Variants in APEX1 observed in about 807,000 individuals in gnomAD.
The protein encoded by APEX1 is DNA repair nuclease/redox regulator APEX1.
In APEX1, 32 loss-of-function variants were observed where a neutral mutation model predicts 33.2. The ratio of observed to expected loss-of-function variants is 0.96; its 90% CI spans 0.73 to 1.29. APEX1 has a LOEUF of 1.29. Among genes scored for constraint, APEX1 ranks in the 50% most tolerant of loss-of-function variants. APEX1 has a pLI of 0.00. For missense variants in APEX1, 442 were observed against 395.6 expected (o/e 1.12, Z -0.99); for synonymous variants, 175 against 156.6 (o/e 1.12, Z -0.88).
Position 20,457,020 on chromosome 14 carries a change from G to A in APEX1, c.469G>A (p.Val157Met). The A allele has an allele frequency of 1.1e-5, 17 of 1,614,148 alleles. No individual in the cohort carries two copies. Among genetic ancestry groups the A allele is most frequent in the Non-Finnish European group, 1.4e-5 (17 of 1,180,002 alleles). ...TGAGGAGCATGATCAGGAAGGCCGGGTGATTGTGGCTGAATTTGACTCGTT... is the reference window on the plus strand; with the variant it reads ...TGAGGAGCATGATCAGGAAGGCCGGATGATTGTGGCTGAATTTGACTCGTT... ...GDEEHDQEGR[V>M]IVAEFDSFVL... The change falls in exon 5 of 5, where the codon GTG (valine) becomes ATG (methionine). Residue 157 changes from valine to methionine, a missense_variant. By Grantham distance (21) the Val-to-Met change is conservative (BLOSUM62 1). Coordinates refer to ENST00000216714, the MANE Select transcript of APEX1 (RefSeq NM_001641.4).
At position 20,455,365 on chromosome 14, in the gene APEX1, A is replaced by G. The variant is rs374045653; in HGVS notation, c.-98A>G. On this transcript the variant is annotated 5_prime_UTR_variant, in exon 1 of 5. Transcript: ENST00000216714. ...TCAGGACCCTTAATTAAGATCCTCA[A>G]TTGGCTGGAGGGCAGATCTCGCGAG... The G allele has an allele frequency of 2.2e-4, 117 of 543,892 alleles. 1 individual carries two copies. The highest frequency in any genetic ancestry group is 2.0e-3 in the South Asian group (99 of 49,128). 33.7% of individuals were successfully genotyped at this position (543,892 alleles called of 1,614,324 possible).
chr14:20,456,966 T>A (rs1479127766), intron 4 of APEX1, 25 bp from the exon 5 acceptor site: 1 of 1,611,082 alleles, frequency 6.2e-7, no homozygotes, highest in Admixed American at 1.7e-5. Flanking sequence ...TAGTTTTTTA[T>A]GCTAATTCTG....
chr14:20,455,506 G>A, intron 1 of APEX1, 72 bp from the exon 2 acceptor site: 1 of 1,411,848 alleles, frequency 7.1e-7, no homozygotes, highest in African/African-American at 1.4e-5. Flanking sequence ...GGCGGGACCT[G>A]GTGCGGGGAC....
rs1349791106 is a variant in APEX1 at position 20,457,053 on chromosome 14, G to C, written c.502G>C (p.Val168Leu). Residue 168 changes from valine (V) to leucine (L), a missense_variant, in exon 5 of 5, where the codon GTA becomes CTA. By Grantham distance (32) the Val-to-Leu change is conservative (BLOSUM62 1). Transcript: ENST00000216714. Reference sequence around the variant, plus strand: ...GGCTGAATTTGACTCGTTTGTGCTGGTAACAGCATATGTACCTAATGCAGG... The same window carrying C: ...GGCTGAATTTGACTCGTTTGTGCTGCTAACAGCATATGTACCTAATGCAGG... ...IVAEFDSFVL[V>L]TAYVPNAGRG... 6.2e-7 allele frequency: 1 copy of C among 1,614,196 alleles called. No homozygotes were observed. Among genetic ancestry groups the C allele is most frequent in the Non-Finnish European group, 8.5e-7 (1 of 1,180,020 alleles).
chr14:20,457,260 C>T lies in APEX1; in HGVS notation c.709C>T (p.Arg237Cys), dbSNP rs375526265. The part of the protein sequence containing the change: ...KKNAGFTPQE[R>C]QGFGELLQAV... ...GAATGCTGGCTTCACGCCACAAGAGCGCCAAGGCTTCGGGGAATTACTGCA... is the reference window on the plus strand; with the variant it reads ...GAATGCTGGCTTCACGCCACAAGAGTGCCAAGGCTTCGGGGAATTACTGCA... The change falls in exon 5 of 5, where the codon CGC becomes TGC. Residue 237 changes from arginine (R) to cysteine (C), a missense_variant. Transcript: ENST00000216714. 12 of 1,614,136 alleles carry T rather than the reference C, an allele frequency of 7.4e-6. No individual in the cohort carries two copies. The highest frequency in any genetic ancestry group is 6.7e-5 in the African/African-American group (5 of 74,948).
intron 3 of APEX1, 127 bp downstream of exon 3, chr14:20,456,228 T>A: frequency 1.9e-6 from 2 of 1,054,638 alleles, no homozygotes; most frequent in Non-Finnish European, 2.8e-6. Context: ...TCTGTGGGGC[T>A]TCCCCAGTCT....
In APEX1 at chr14:20,455,390, G is replaced by A. The variant is rs1287075969; in HGVS notation, c.-73G>A. The A allele has an allele frequency of 3.4e-6, 2 of 583,350 alleles. No homozygotes were observed. Among genetic ancestry groups the A allele is most frequent in the Non-Finnish European group, 6.1e-6 (2 of 329,472 alleles). The allele number at this position is 583,350 out of a possible 1,614,324, so 36.1% of individuals were successfully genotyped here. On this transcript the variant is annotated 5_prime_UTR_variant, in exon 1 of 5. Coordinates refer to ENST00000216714, the MANE Select transcript of APEX1 (RefSeq NM_001641.4). The stretch of plus-strand genomic sequence containing the variant: ...ATTGGCTGGAGGGCAGATCTCGCGA[G>A]TAGGGTACAAGGCACTATGAAATGA...
Position 20,456,900 on chromosome 14 carries a change from A to G in APEX1, c.439+40A>G, listed in dbSNP as rs772447512. ...ATGCCTAATGCCTGAACTCTTCAAA[A>G]CCAATTGCTAATTCTCTATCTCTGC... On this transcript the variant is annotated intron_variant, in intron 4 of 4. Coordinates refer to ENST00000216714, the MANE Select transcript of APEX1 (RefSeq NM_001641.4). 4 of 1,606,956 alleles carry G rather than the reference A, an allele frequency of 2.5e-6. No homozygotes were observed. In the South Asian group the frequency reaches 3.3e-5, roughly 13 times the overall value.
At chr14:20,456,594 C>T (rs1376775661) in intron 3 of APEX1, 74 bp from the exon 4 acceptor site, 4 of 1,424,558 alleles carry the variant, frequency 2.8e-6, no homozygotes, top group Non-Finnish European at 4.0e-6. Flanking sequence ...GTATCTATGA[C>T]TTAGCATATA....
rs1333878757 is a variant in APEX1, at chr14:20,455,943, G to A, written c.88G>A (p.Ala30Thr). Reference sequence around the variant, plus strand: ...AGAGGCCAAGAAGAGTAAGACGGCCGCAAAGAAAAATGACAAAGAGGCAGC... The same window carrying A: ...AGAGGCCAAGAAGAGTAAGACGGCCACAAAGAAAAATGACAAAGAGGCAGC... ...EPEAKKSKTA[A>T]KKNDKEAAGE... The change falls in exon 3 of 5, where the codon GCA (alanine) becomes ACA (threonine). Residue 30 changes from alanine to threonine, a missense_variant. Ala to Thr is a moderately conservative substitution (Grantham distance 58). Coordinates refer to ENST00000216714, the MANE Select transcript of APEX1 (RefSeq NM_001641.4). 3.1e-6 allele frequency: 5 copies of A among 1,613,964 alleles called. No individual in the cohort carries two copies. The highest frequency in any genetic ancestry group is 1.7e-6 in the Non-Finnish European group (2 of 1,180,020).
chr14:20,457,502 A>G lies in APEX1; in HGVS notation c.951A>G (p.Ala317=). The G allele has an allele frequency of 6.2e-7, 1 of 1,613,906 alleles. No individual in the cohort carries two copies. The highest frequency in any genetic ancestry group is 8.5e-7 in the Non-Finnish European group (1 of 1,180,026). The change falls in exon 5 of 5, where the codon GCA becomes GCG. Residue 317 remains alanine (A), a synonymous_variant. Coordinates refer to ENST00000216714, the MANE Select transcript of APEX1 (RefSeq NM_001641.4). ...SDHCPITLYL[A]L is the part of the protein sequence containing the mutation. ...ACTGTCCTATCACCCTATACCTAGC[A>G]CTGTGACACCACCCCTAAATCACTT...
intron 3 of APEX1, 46 bp from the exon 4 acceptor site, chr14:20,456,622 T>G (rs780627294): frequency 2.6e-6 from 4 of 1,552,300 alleles, no homozygotes; most frequent in Middle Eastern, 2.0e-4. Context: ...CAATAAATGT[T>G]CTGCTGAATT....
intron 3 of APEX1, 132 bp downstream of exon 3, chr14:20,456,233 C>G: frequency 1.0e-6 from 1 of 996,992 alleles, no homozygotes; most frequent in Non-Finnish European, 1.5e-6. Context: ...GGGGCTTCCC[C>G]AGTCTTGCCA....
In APEX1 at chr14:20,456,911, A is replaced by G. The variant is rs187040743; in HGVS notation, c.439+51A>G. 5 of 1,604,970 alleles carry G rather than the reference A, an allele frequency of 3.1e-6. No individual in the cohort carries two copies. In the East Asian group the frequency reaches 6.7e-5, roughly 22 times the overall value. ...CTGAACTCTTCAAAACCAATTGCTA[A>G]TTCTCTATCTCTGCCCCACCTCTTG... On this transcript the variant is annotated intron_variant, in intron 4 of 4. Coordinates refer to ENST00000216714, the MANE Select transcript of APEX1 (RefSeq NM_001641.4).
At position 20,455,233 on chromosome 14, in the gene APEX1, G is replaced by C. The variant is rs1267686857; in HGVS notation, c.-230G>C. 1 of 358,662 alleles carries C rather than the reference G, an allele frequency of 2.8e-6. No homozygotes were observed. The allele number at this position is 358,662 out of a possible 1,614,324, so 22.2% of individuals were successfully genotyped here. ...GGGGGCTCAGCGTGCACCCTTCTTT[G>C]TGCTCGGGTTAGGAGGAGCTAGGCT... On this transcript the variant is annotated 5_prime_UTR_variant, in exon 1 of 5. Coordinates refer to ENST00000216714, the MANE Select transcript of APEX1 (RefSeq NM_001641.4).
Position 20,457,113 on chromosome 14 carries a change from T to A in APEX1, c.562T>A (p.Trp188Arg), listed in dbSNP as rs1204374385. The change falls in exon 5 of 5, where the codon TGG becomes AGG. Residue 188 changes from tryptophan (W) to arginine (R), a missense_variant. By Grantham distance (101) the Trp-to-Arg change is moderately radical. Coordinates refer to ENST00000216714, the MANE Select transcript of APEX1 (RefSeq NM_001641.4). Reference protein sequence around the residue: ...GLVRLEYRQRWDEAFRKFLKG... With the variant: ...GLVRLEYRQRRDEAFRKFLKG... ...GGTACGACTGGAGTACCGGCAGCGCTGGGATGAAGCCTTTCGCAAGTTCCT... is the reference window on the plus strand; with the variant it reads ...GGTACGACTGGAGTACCGGCAGCGCAGGGATGAAGCCTTTCGCAAGTTCCT... The A allele has an allele frequency of 6.2e-7, 1 of 1,614,188 alleles. No individual in the cohort carries two copies. Among genetic ancestry groups the A allele is most frequent in the African/African-American group, 1.3e-5 (1 of 75,044 alleles).
chr14:20,456,793 C>T lies in APEX1; in HGVS notation c.372C>T (p.Asp124=). The T allele has an allele frequency of 6.2e-7, 1 of 1,614,240 alleles. No homozygotes were observed. Among genetic ancestry groups the T allele is most frequent in the African/African-American group, 1.3e-5 (1 of 75,070 alleles). ...ATCAATACTGGTCAGCTCCTTCGGA[C>T]AAGGAAGGGTACAGTGGCGTGGGCC... ...LSHQYWSAPS[D]KEGYSGVGLL... The change falls in exon 4 of 5, where the codon GAC becomes GAT. Residue 124 remains aspartate, a synonymous_variant. Transcript: ENST00000216714.
chr14:20,455,442 G>A (rs1881272752), intron 1 of APEX1, 48 bp downstream of exon 1: 1 of 766,058 alleles, frequency 1.3e-6, no homozygotes, highest in South Asian at 1.7e-5. Flanking sequence ...AGGGGCTGAA[G>A]GGCCTATGAT....
chr14:20,455,758 A>G (rs766402740), intron 2 of APEX1, 55 bp downstream of exon 2: 26 of 1,614,006 alleles, frequency 1.6e-5, no homozygotes, highest in East Asian at 2.2e-5. Context: ...GGTGTTTGTC[A>G]TTCCCTTGAT....
Sources: allele counts gnomAD v4.1 joint callset, GRCh38; gene constraint gnomAD v4.1.1; transcripts MANE v1.5; gene names NCBI Gene and HGNC (gene_info 2026-07-23, HGNC 2026-07-21).